The following CACNA1E variants were observed in gnomAD, a reference collection of about 807,000 sequenced individuals.
CACNA1E encodes calcium voltage-gated channel subunit alpha1 E, also known as voltage-dependent R-type calcium channel subunit alpha-1E.
CACNA1E carries 40 observed loss-of-function variants against 259.2 expected under a neutral mutation model. The ratio of observed to expected loss-of-function variants is 0.15; its 90% CI spans 0.12 to 0.20. The LOEUF is 0.20. Among genes scored for constraint, CACNA1E ranks in the 10% least tolerant of loss-of-function variants. The pLI is 1.00. For synonymous variants in CACNA1E, 1,104 were observed against 1,138.5 expected, an observed-to-expected ratio of 0.97 and a Z score of 0.61; for missense variants, 1,874 against 3,040.1, an observed-to-expected ratio of 0.62 and a Z score of 9.02.
At chr1:181,680,403 G>T (rs1649831222) in intron 7 of CACNA1E, among the ~76,000 whole-genome samples, 2 of 152,136 alleles carry the variant, frequency 1.3e-5, no homozygotes, top group Non-Finnish European at 2.9e-5. Flanking sequence ...TGGGGTGAGA[G>T]CACAAGCCAA....
At chr1:181,610,627 G>T (rs1335111119) in intron 6 of CACNA1E, among the ~76,000 whole-genome samples, 3 of 152,122 alleles carry the variant, frequency 2.0e-5, no homozygotes, top group Admixed American at 2.0e-4. Flanking sequence ...ATCATCTAAG[G>T]TCTTATTTGC....
At chr1:181,324,198 G>A (rs1015974421) in intron 1 of CACNA1E, among the ~76,000 whole-genome samples, 13 of 152,196 alleles carry the variant, frequency 8.5e-5, no homozygotes, top group Non-Finnish European at 1.6e-4. Context: ...TCATACTGTT[G>A]TGGAATTTAT....
Position 181,785,526 on chromosome 1 carries a change from C to G in CACNA1E, c.5679+108C>G, listed in dbSNP as rs1660779777. ...GTGCCCGGCAAGGACTTAGAAGCAGCAGTAATGGGTGCGGGGCCCAAGAAC... is the reference window on the plus strand; with the variant it reads ...GTGCCCGGCAAGGACTTAGAAGCAGGAGTAATGGGTGCGGGGCCCAAGAAC... On this transcript the variant is annotated intron_variant, in intron 42 of 47. Transcript: ENST00000367573. 5 of 908,824 alleles carry G rather than the reference C, an allele frequency of 5.5e-6. No individual in the cohort carries two copies. The South Asian group carries it at 7.0e-5, about 13-fold the overall frequency. The allele number at this position is 908,824 out of a possible 1,614,324, so 56.3% of individuals were successfully genotyped here.
At position 181,497,841 on chromosome 1, in the gene CACNA1E, T is replaced by A. The variant is rs139193736; in HGVS notation, c.267-12636T>A. Among the ~76,000 whole-genome samples, 83 of 152,340 alleles carry A rather than the reference T, an allele frequency of 5.4e-4. 1 individual carries two copies. The highest frequency in any genetic ancestry group is 1.9e-3 in the African/African-American group (79 of 41,574). ...AACTCATGAAGGAGTGAAGGATCAG[T>A]AGATGGAAGAAGAGCAACTATCTCT... On this transcript the variant is annotated intron_variant, in intron 1 of 47. Transcript: ENST00000367573.
At chr1:181,495,539 C>T (rs1222664571) in intron 1 of CACNA1E, among the ~76,000 whole-genome samples, 1 of 152,202 alleles carries the variant, frequency 6.6e-6, no homozygotes, top group Admixed American at 6.5e-5. Context: ...TGGTTAATTT[C>T]AGATACATAA....
chr1:181,772,965 C>G (rs1418673935), intron 37 of CACNA1E, among the ~76,000 whole-genome samples: 2 of 152,130 alleles, frequency 1.3e-5, no homozygotes, highest in Admixed American at 1.3e-4. Context: ...GCATATCAGA[C>G]AAGCAGTGAT....
At chr1:181,752,391 C>T (rs1010667388) in intron 27 of CACNA1E, among the ~76,000 whole-genome samples, 152 bp downstream of exon 27, 2 of 152,210 alleles carry the variant, frequency 1.3e-5, no homozygotes, top group African/African-American at 4.8e-5. Context: ...AGCTAAAGGT[C>T]TTAGTTTCAA....
At chr1:181,363,933 G>T (rs1196097690) in intron 1 of CACNA1E, among the ~76,000 whole-genome samples, 3 of 152,144 alleles carry the variant, frequency 2.0e-5, no homozygotes, top group Admixed American at 6.5e-5. Context: ...GTCTGAACTT[G>T]GTCCTCTGTT....
At chr1:181,712,230 C>T (rs773034000) in intron 8 of CACNA1E, among the ~76,000 whole-genome samples, 2 of 152,120 alleles carry the variant, frequency 1.3e-5, no homozygotes, top group African/African-American at 2.4e-5. Context: ...ATAAAAGGGA[C>T]GGGTTTGCTT....
chr1:181,757,894 A>G (rs12564606), intron 30 of CACNA1E, 53 bp from the exon 31 acceptor site: 6 of 1,584,856 alleles, frequency 3.8e-6, no homozygotes, highest in African/African-American at 1.3e-5. Flanking sequence ...AGAGCCTGCC[A>G]TGGTAGATCT....
At chr1:181,775,756 G>A (rs1415711994) in intron 37 of CACNA1E, among the ~76,000 whole-genome samples, 5 of 152,172 alleles carry the variant, frequency 3.3e-5, no homozygotes, top group South Asian at 2.1e-4. Flanking sequence ...CAGAACCATC[G>A]TGTTCATTTG....
At chr1:181,372,998 TG>T (rs1654818567) in intron 1 of CACNA1E, among the ~76,000 whole-genome samples, 1 of 152,150 alleles carries the variant, frequency 6.6e-6, no homozygotes, top group African/African-American at 2.4e-5. Context: ...TACTTGATCA[TG>T]GTGAATTATC....
In CACNA1E at chr1:181,757,965, G is replaced by A. The variant is rs780840867; in HGVS notation, c.4348G>A (p.Ala1450Thr). The A allele has an allele frequency of 1.9e-6, 3 of 1,613,876 alleles. No individual in the cohort carries two copies. Among genetic ancestry groups the A allele is most frequent in the African/African-American group, 2.7e-5 (2 of 75,022 alleles). ...CTTGCAGAGGGCGTGCATCGACTTC[G>A]CCATCAGCGCCAAACCTCTCACCCG... ...EKNERACIDFAISAKPLTRYM... is the reference protein window; with the variant it reads ...EKNERACIDFTISAKPLTRYM... Residue 1450 changes from alanine to threonine, a missense_variant, in exon 31 of 48, where the codon GCC becomes ACC. By Grantham distance (58) the Ala-to-Thr change is moderately conservative. Transcript: ENST00000367573.
At chr1:181,674,584 C>A (rs950742812) in intron 7 of CACNA1E, among the ~76,000 whole-genome samples, 1 of 152,076 alleles carries the variant, frequency 6.6e-6, no homozygotes, top group African/African-American at 2.4e-5. Context: ...ATGGACCAGG[C>A]CTCATCTGAA....
chr1:181,325,847 T>A (rs990639829), intron 1 of CACNA1E, among the ~76,000 whole-genome samples: 5 of 152,138 alleles, frequency 3.3e-5, no homozygotes, highest in Non-Finnish European at 7.3e-5. Context: ...AACTCCTCCC[T>A]TCCTGTTCCT....
intron 3 of CACNA1E, among the ~76,000 whole-genome samples, chr1:181,567,480 G>A (rs1649960220): frequency 6.6e-6 from 1 of 152,040 alleles, no homozygotes; most frequent in African/African-American, 2.4e-5. Flanking sequence ...AACAACAAAA[G>A]AAACTCCAAA....
chr1:181,436,556 GACA>G, intron 2 of CACNA1E, among the ~76,000 whole-genome samples: 1 of 152,342 alleles, frequency 6.6e-6, no homozygotes, highest in African/African-American at 2.4e-5. Flanking sequence ...TGTCATTTGT[GACA>G]ACATGGGTGA....
At chr1:181,514,512 C>G (rs1666403637) in intron 3 of CACNA1E, among the ~76,000 whole-genome samples, 1 of 152,218 alleles carries the variant, frequency 6.6e-6, no homozygotes, top group Non-Finnish European at 1.5e-5. Context: ...GTGCAGCCTC[C>G]TTACCAGGCC....
intron 7 of CACNA1E, among the ~76,000 whole-genome samples, chr1:181,656,655 C>T (rs1659232678): frequency 6.6e-6 from 1 of 152,158 alleles, no homozygotes. Context: ...CAGTGCCATA[C>T]AGTAATGTCC....
Sources: allele counts gnomAD v4.1 joint callset (sites outside exome capture counted in the v4.1 genomes callset), GRCh38; gene constraint gnomAD v4.1.1; transcripts MANE v1.5; gene names NCBI Gene and HGNC (gene_info 2026-07-23, HGNC 2026-07-21).